Variants in KLHL3 observed in about 807,000 individuals in gnomAD.
KLHL3 encodes kelch-like protein 3.
A neutral mutation model predicts 70.5 loss-of-function variants in KLHL3; 19 were observed. The observed-to-expected ratio is 0.27, with a 90% CI of 0.19 to 0.40. KLHL3 has a LOEUF of 0.40. Among genes scored for constraint, KLHL3 ranks in the 10% least tolerant of loss-of-function variants. The pLI, the probability that KLHL3 is intolerant of heterozygous loss-of-function variation, is 1.00. For synonymous variants in KLHL3, 258 were observed against 290.3 expected (o/e 0.89, Z 1.13); for missense variants, 512 against 771.1 (o/e 0.66, Z 3.98).
intron 3 of KLHL3, among the ~76,000 whole-genome samples, 171 bp from the exon 4 acceptor site, chr5:137,698,579 C>T (rs909696212): frequency 6.6e-6 from 1 of 152,212 alleles, no homozygotes; most frequent in Non-Finnish European, 1.5e-5. Flanking sequence ...ATCAAGGTCA[C>T]ATCAGCTTTG....
intron 11 of KLHL3, among the ~76,000 whole-genome samples, chr5:137,634,784 T>C (rs1431289145): frequency 6.6e-6 from 1 of 152,118 alleles, no homozygotes; most frequent in Non-Finnish European, 1.5e-5. Context: ...AGCCCTGAGG[T>C]GCCGTCATTT....
At chr5:137,733,937 G>A (rs993557152) in intron 1 of KLHL3, among the ~76,000 whole-genome samples, 5 of 152,182 alleles carry the variant, frequency 3.3e-5, no homozygotes, top group Non-Finnish European at 7.3e-5. Flanking sequence ...GAAGCTGCTC[G>A]GTTTGGATTT....
chr5:137,665,221 C>A (rs968144004), intron 6 of KLHL3, among the ~76,000 whole-genome samples: 6 of 152,064 alleles, frequency 3.9e-5, no homozygotes, highest in Non-Finnish European at 7.4e-5. Context: ...ATAGACAAGG[C>A]AACTAAATGC....
chr5:137,654,729 G>A (rs1190134669), intron 8 of KLHL3, among the ~76,000 whole-genome samples: 1 of 152,212 alleles, frequency 6.6e-6, no homozygotes, highest in Non-Finnish European at 1.5e-5. Flanking sequence ...TTCTAAGGAA[G>A]TCATGGTTCC....
intron 4 of KLHL3, among the ~76,000 whole-genome samples, chr5:137,693,286 G>C (rs890267204): frequency 1.3e-5 from 2 of 152,200 alleles, no homozygotes; most frequent in African/African-American, 4.8e-5. Context: ...TACATTCTTA[G>C]AGAAAGGAGA....
intron 5 of KLHL3, among the ~76,000 whole-genome samples, chr5:137,682,571 G>A (rs1477613167): frequency 6.6e-6 from 1 of 152,094 alleles, no homozygotes; most frequent in Non-Finnish European, 1.5e-5. Flanking sequence ...CCAGAATTAA[G>A]ATATTTCCCT....
At position 137,735,940 on chromosome 5, in the gene KLHL3, C is replaced by A. The variant is rs542017121; in HGVS notation, c.-294G>T. ...CTCCCCCTCCCCCGCAGGCTTGCTG[C>A]TCCTTGGTCTCCTAGGAACGGCGGC... On this transcript the variant is annotated 5_prime_UTR_variant, in exon 1 of 15. Transcript: ENST00000309755. 25 of 495,906 alleles carry A rather than the reference C, an allele frequency of 5.0e-5. No individual in the cohort carries two copies. The East Asian group carries it at 8.4e-4, about 17-fold the overall frequency. 30.7% of individuals were successfully genotyped at this position (495,906 alleles called of 1,614,324 possible). A position where few individuals can be genotyped will look rare whatever the true frequency, so the allele number is the denominator to read the frequency against.
At chr5:137,672,481 C>T (rs3798143) in intron 6 of KLHL3, among the ~76,000 whole-genome samples, 1 of 152,084 alleles carries the variant, frequency 6.6e-6, no homozygotes, top group Middle Eastern at 3.2e-3. Context: ...AGAGAAGTAA[C>T]CTATAGTTCT....
In KLHL3 at chr5:137,698,322, T is replaced by C. The variant is rs1229419091; in HGVS notation, c.328A>G (p.Thr110Ala). The change falls in exon 4 of 15, where the codon ACT becomes GCT. Residue 110 changes from threonine to alanine, a missense_variant. Transcript: ENST00000309755. Reference sequence around the variant, plus strand: ...TCTTCAGTCACCTCGATTTCAGCAGTATAGATGTAGTCAATCAGCTTACTC... The same window carrying C: ...TCTTCAGTCACCTCGATTTCAGCAGCATAGATGTAGTCAATCAGCTTACTC... Reference protein sequence around the residue: ...TLSKLIDYIYTAEIEVTEENV... With the variant: ...TLSKLIDYIYAAEIEVTEENV... The C allele has an allele frequency of 6.2e-7, 1 of 1,614,212 alleles. No homozygotes were observed. Among genetic ancestry groups the C allele is most frequent in the Non-Finnish European group, 8.5e-7 (1 of 1,180,016 alleles).
At chr5:137,656,351 C>G (rs1184401556) in intron 8 of KLHL3, among the ~76,000 whole-genome samples, 1 of 152,174 alleles carries the variant, frequency 6.6e-6, no homozygotes, top group Non-Finnish European at 1.5e-5. Context: ...ATATTAAAAG[C>G]AGTCTGTACC....
At chr5:137,707,788 T>C (rs1752713783) in intron 3 of KLHL3, among the ~76,000 whole-genome samples, 1 of 152,184 alleles carries the variant, frequency 6.6e-6, no homozygotes, top group South Asian at 2.1e-4. Context: ...AAGCACTTTT[T>C]CTTCCAATTT....
At chr5:137,640,242 A>T (rs1750879784) in intron 8 of KLHL3, among the ~76,000 whole-genome samples, 1 of 152,238 alleles carries the variant, frequency 6.6e-6, no homozygotes, top group Non-Finnish European at 1.5e-5. Flanking sequence ...GGGTATGTGA[A>T]GCCGCACAGG....
At chr5:137,647,590 TCGG>T in intron 8 of KLHL3, 1 of 472,312 alleles carries the variant, frequency 2.1e-6, no homozygotes, top group Non-Finnish European at 4.4e-6. Flanking sequence ...AGTCGGTCCC[TCGG>T]GCCAGGGCAG....
intron 3 of KLHL3, among the ~76,000 whole-genome samples, chr5:137,699,899 C>T (rs1459951365): frequency 6.6e-6 from 1 of 152,236 alleles, no homozygotes; most frequent in African/African-American, 2.4e-5. Context: ...CCAAGCTGCA[C>T]GGACTGCACA....
chr5:137,686,309 G>C (rs1232439852), intron 5 of KLHL3, among the ~76,000 whole-genome samples: 1 of 152,200 alleles, frequency 6.6e-6, no homozygotes. Flanking sequence ...CAGATGATGA[G>C]GCTGGCAGGG....
intron 3 of KLHL3, 74 bp downstream of exon 3, chr5:137,709,676 G>A: frequency 8.4e-7 from 1 of 1,196,668 alleles, no homozygotes; most frequent in South Asian, 1.2e-5. Flanking sequence ...CTCCCCTCAT[G>A]TCACCACCCC....
At chr5:137,687,394 C>T (rs1233688017) in intron 5 of KLHL3, among the ~76,000 whole-genome samples, 1 of 29,112 alleles carries the variant, frequency 3.4e-5, no homozygotes, top group African/African-American at 1.9e-4. Context: ...CCTGGCGAGC[C>T]GCCCCGTCCG....
chr5:137,654,495 C>T (rs572832917), intron 8 of KLHL3, among the ~76,000 whole-genome samples: 3 of 152,310 alleles, frequency 2.0e-5, no homozygotes, highest in South Asian at 2.1e-4. Context: ...AGACAGTACA[C>T]GATCTGATAA....
chr5:137,720,071 G>T (rs991788828), intron 2 of KLHL3, among the ~76,000 whole-genome samples: 1 of 152,174 alleles, frequency 6.6e-6, no homozygotes, highest in Non-Finnish European at 1.5e-5. Context: ...GGAGGCTGAG[G>T]CAGGCAGATC....
Sources: gnomAD v4.1 joint callset for allele counts (sites outside exome capture counted in the v4.1 genomes callset) on GRCh38, gnomAD v4.1.1 for gene constraint, MANE v1.5 for transcripts, NCBI Gene and HGNC (gene_info 2026-07-23, HGNC 2026-07-21) for gene names.